TENM2: variants seen among roughly 807,000 people sequenced by gnomAD.
TENM2 encodes teneurin transmembrane protein 2.
A neutral mutation model predicts 245.2 loss-of-function variants in TENM2; 52 were observed. The ratio of observed to expected loss-of-function variants is 0.21; its 90% CI spans 0.17 to 0.27. The LOEUF is 0.27. TENM2 is among the 10% of genes least tolerant of loss of function. The probability of loss-of-function intolerance (pLI) is 1.00; values close to 1 mark genes in which losing one functional copy is unlikely to be tolerated. For missense variants in TENM2, 3,046 were observed against 3,666.8 expected (o/e 0.83, Z 4.37); for synonymous variants, 1,363 against 1,438.9 (o/e 0.95, Z 1.19).
intron 2 of TENM2, among the ~76,000 whole-genome samples, chr5:167,673,511 A>T (rs1321157140): frequency 6.6e-6 from 1 of 152,098 alleles, no homozygotes; most frequent in Admixed American, 6.6e-5. Flanking sequence ...TGCATAGAAC[A>T]TCCACTATGT....
At chr5:167,935,517 T>C (rs1010467962) in intron 3 of TENM2, among the ~76,000 whole-genome samples, 7 of 152,196 alleles carry the variant, frequency 4.6e-5, no homozygotes, top group African/African-American at 1.7e-4. Flanking sequence ...TTCAGTCATG[T>C]AACAGACCTT....
intron 2 of TENM2, among the ~76,000 whole-genome samples, chr5:167,717,223 TAGGA>T (rs1759332651): frequency 6.6e-6 from 1 of 152,162 alleles, no homozygotes; most frequent in Non-Finnish European, 1.5e-5. Flanking sequence ...CCCAAAGTGC[TAGGA>T]TTACAGATGT....
At chr5:167,434,654 C>T (rs1023631581) in intron 2 of TENM2, among the ~76,000 whole-genome samples, 4 of 151,990 alleles carry the variant, frequency 2.6e-5, no homozygotes, top group African/African-American at 9.7e-5. Context: ...GTCCACAACA[C>T]AATACTCTGT....
At chr5:168,198,426 C>A (rs971540833) in intron 15 of TENM2, among the ~76,000 whole-genome samples, 1 of 152,056 alleles carries the variant, frequency 6.6e-6, no homozygotes, top group South Asian at 2.1e-4. Flanking sequence ...GAACTACTGA[C>A]CTCAAGTGAT....
At chr5:167,915,191 A>G (rs1360287088) in intron 3 of TENM2, among the ~76,000 whole-genome samples, 1 of 152,074 alleles carries the variant, frequency 6.6e-6, no homozygotes, top group Non-Finnish European at 1.5e-5. Flanking sequence ...TTTTTCCCCA[A>G]CCTTGAGATG....
intron 2 of TENM2, among the ~76,000 whole-genome samples, chr5:167,685,675 A>G (rs1303015296): frequency 6.6e-6 from 1 of 152,220 alleles, no homozygotes; most frequent in African/African-American, 2.4e-5. Flanking sequence ...GAACATCATC[A>G]AAAGAATCAT....
At chr5:167,139,166 T>TC in the TENM2 span, among the ~76,000 whole-genome samples, 1 of 152,186 alleles carries the variant, frequency 6.6e-6, no homozygotes, top group Admixed American at 6.5e-5. Context: ...AGTGCATGGG[T>TC]CTCGTCCAAG....
the TENM2 span, among the ~76,000 whole-genome samples, chr5:167,190,469 C>G: frequency 6.6e-6 from 1 of 151,940 alleles, no homozygotes; most frequent in African/African-American, 2.4e-5. Flanking sequence ...ATTTTACAGT[C>G]CTTATATGTT....
chr5:167,899,143 T>A (rs1176660017), intron 3 of TENM2, among the ~76,000 whole-genome samples: 1 of 151,878 alleles, frequency 6.6e-6, no homozygotes, highest in Non-Finnish European at 1.5e-5. Context: ...GAGCATTTGC[T>A]GAAAAGAGAA....
intron 1 of TENM2, among the ~76,000 whole-genome samples, chr5:167,293,787 A>T (rs78858214): frequency 0.028 from 4,198 of 152,064 alleles, 86 homozygotes; most frequent in Non-Finnish European, 0.041. Context: ...ATTTTTTTTT[A>T]AAATTTGTTA....
intron 2 of TENM2, among the ~76,000 whole-genome samples, chr5:167,664,419 AT>A (rs1244367580): frequency 7.2e-5 from 11 of 152,274 alleles, no homozygotes; most frequent in Middle Eastern, 6.8e-3. Flanking sequence ...TCAATTATTC[AT>A]TTTGTTAATG....
At chr5:167,082,166 A>G in the TENM2 span, among the ~76,000 whole-genome samples, 1 of 152,190 alleles carries the variant, frequency 6.6e-6, no homozygotes, top group African/African-American at 2.4e-5. Context: ...TATTATTACT[A>G]CTATGATTAC....
chr5:168,112,230 TTTTAAC>T (rs1463929178), intron 9 of TENM2, among the ~76,000 whole-genome samples: 5 of 152,176 alleles, frequency 3.3e-5, no homozygotes, highest in East Asian at 3.9e-4. Flanking sequence ...ATGGAATTTT[TTTTAAC>T]TTTAAGTTCA....
At chr5:167,792,030 G>A (rs566722752) in intron 2 of TENM2, among the ~76,000 whole-genome samples, 1 of 152,268 alleles carries the variant, frequency 6.6e-6, no homozygotes, top group Non-Finnish European at 1.5e-5. Context: ...TGTTTTTCCT[G>A]TGGTAAAGAG....
At chr5:167,225,336 C>T in the TENM2 span, among the ~76,000 whole-genome samples, 7 of 151,986 alleles carry the variant, frequency 4.6e-5, no homozygotes, top group South Asian at 6.2e-4. Flanking sequence ...GAGGTATGTT[C>T]GTTTAATGCC....
chr5:167,614,089 G>A (rs1777635720), intron 2 of TENM2, among the ~76,000 whole-genome samples: 1 of 151,954 alleles, frequency 6.6e-6, no homozygotes, highest in Non-Finnish European at 1.5e-5. Context: ...ACTTGCTTTT[G>A]TCTGGATGAA....
intron 2 of TENM2, among the ~76,000 whole-genome samples, chr5:167,606,354 T>C (rs771057044): frequency 6.7e-6 from 1 of 149,114 alleles, no homozygotes; most frequent in Admixed American, 6.7e-5. Flanking sequence ...GATTCTCAAA[T>C]GGCAAGGAAG....
At position 167,640,873 on chromosome 5, in the gene TENM2, A is replaced by C. The variant is rs868534755; in HGVS notation, c.503-235113A>C. ...TATATATATATCCATATATATATAT[A>C]TATATATATATATATATATATATAT... On this transcript the variant is annotated intron_variant, in intron 2 of 28. Coordinates refer to ENST00000518659, the Ensembl canonical transcript of TENM2. Among the ~76,000 whole-genome samples, 9 of 50,052 alleles carry C rather than the reference A, an allele frequency of 1.8e-4. 1 individual carries two copies. The highest frequency in any genetic ancestry group is 3.7e-4 in the Admixed American group (2 of 5,392). The allele number at this position is 50,052 out of a possible 152,430, so 32.8% of individuals were successfully genotyped here.
intron 3 of TENM2, among the ~76,000 whole-genome samples, chr5:167,951,833 C>T (rs1780128410): frequency 6.6e-6 from 1 of 151,160 alleles, no homozygotes; most frequent in Non-Finnish European, 1.5e-5. Context: ...TACACACATA[C>T]ATACGCAAAT....
Sources: gnomAD v4.1 joint callset for allele counts (sites outside exome capture counted in the v4.1 genomes callset) on GRCh38, gnomAD v4.1.1 for gene constraint, MANE v1.5 for transcripts, NCBI Gene and HGNC (gene_info 2026-07-23, HGNC 2026-07-21) for gene names.